Variants in SLIT1 observed in about 807,000 individuals in gnomAD.
The protein encoded by SLIT1 is slit guidance ligand 1, also known as slit homolog 1 protein.
Under a neutral mutation model 186.1 loss-of-function variants are expected in SLIT1, and 66 were observed. The ratio of observed to expected loss-of-function variants is 0.35; its 90% CI spans 0.29 to 0.44. The LOEUF is 0.44. Among genes scored for constraint, SLIT1 ranks in the 20% least tolerant of loss-of-function variants. SLIT1 has a pLI of 1.00. For synonymous variants in SLIT1, 761 were observed against 833.8 expected, an observed-to-expected ratio of 0.91 and a Z score of 1.50; for missense variants, 1,638 against 2,037.4, an observed-to-expected ratio of 0.80 and a Z score of 3.77.
At chr10:97,064,026 C>T in intron 7 of SLIT1, 142 bp downstream of exon 7, 5 of 699,706 alleles carry the variant, frequency 7.1e-6, no homozygotes, top group Non-Finnish European at 1.3e-5. Flanking sequence ...AGCATGAAGC[C>T]CCCAGCCTGG....
At chr10:97,120,674 G>C (rs2134687199) in intron 4 of SLIT1, among the ~76,000 whole-genome samples, 1 of 152,308 alleles carries the variant, frequency 6.6e-6, no homozygotes. Flanking sequence ...CTCCTCCTAG[G>C]ATGTTGATGA....
At chr10:97,044,696 A>T (rs1177173601) in intron 18 of SLIT1, among the ~76,000 whole-genome samples, 1 of 152,166 alleles carries the variant, frequency 6.6e-6, no homozygotes, top group African/African-American at 2.4e-5. Flanking sequence ...AGATGCCTTT[A>T]TACCTCCCTG....
At chr10:97,057,930 A>G (rs7914872) in intron 11 of SLIT1, 163,038 of 714,042 alleles carry the variant, frequency 0.23, 19,768 homozygotes, top group African/African-American at 0.31. Context: ...CAATATCATA[A>G]TCGGACCCCA....
In SLIT1 at chr10:97,006,757, A is replaced by T. The variant is rs757256900; in HGVS notation, c.3342-37T>A. The T allele has an allele frequency of 7.0e-7, 1 of 1,431,118 alleles. No individual in the cohort carries two copies. The highest frequency in any genetic ancestry group is 1.7e-4 in the Middle Eastern group (1 of 5,720). The allele number at this position is 1,431,118 out of a possible 1,614,324, so 88.7% of individuals were successfully genotyped here. On this transcript the variant is annotated intron_variant, in intron 31 of 36. Transcript: ENST00000266058. The surrounding 1 kb of genome is among the most constrained non-coding windows in gnomAD (Gnocchi z 4.0). ...GGACATAAGTCAGAGAGGGCCAAGG[A>T]GGAAGGGAGTATCTTCCTCTCCCAC...
At chr10:97,099,975 C>A (rs1261849642) in intron 4 of SLIT1, among the ~76,000 whole-genome samples, 1 of 152,208 alleles carries the variant, frequency 6.6e-6, no homozygotes, top group Non-Finnish European at 1.5e-5. Flanking sequence ...AATCTTCTGA[C>A]AATATATACT....
intron 28 of SLIT1, among the ~76,000 whole-genome samples, chr10:97,014,499 T>A (rs533633860): frequency 2.6e-5 from 4 of 151,410 alleles, no homozygotes; most frequent in African/African-American, 9.7e-5. Flanking sequence ...CTGGAGGAGG[T>A]GATGAATTAA....
At chr10:97,073,246 T>C (rs899555025) in intron 4 of SLIT1, among the ~76,000 whole-genome samples, 1 of 152,172 alleles carries the variant, frequency 6.6e-6, no homozygotes, top group Admixed American at 6.5e-5. Flanking sequence ...ACCTAAGCCT[T>C]TCCCCATCAG....
At chr10:97,161,774 G>A (rs759973601) in intron 3 of SLIT1, among the ~76,000 whole-genome samples, 7 of 152,120 alleles carry the variant, frequency 4.6e-5, no homozygotes, top group South Asian at 4.1e-4. Flanking sequence ...GTGAAACTCC[G>A]TCTCAAAAAA....
chr10:97,135,062 G>A (rs1173288781), intron 4 of SLIT1, among the ~76,000 whole-genome samples: 1 of 152,212 alleles, frequency 6.6e-6, no homozygotes, highest in East Asian at 1.9e-4. Flanking sequence ...TATTTGTTGA[G>A]TGTGTTACAA....
chr10:97,149,513 A>G (rs1849853102), intron 4 of SLIT1, among the ~76,000 whole-genome samples: 1 of 152,136 alleles, frequency 6.6e-6, no homozygotes, highest in Admixed American at 6.5e-5. Context: ...AGCCCCTCCT[A>G]AGACTCACCA....
At chr10:97,152,695 A>G (rs76646996) in intron 4 of SLIT1, among the ~76,000 whole-genome samples, 9,191 of 152,258 alleles carry the variant, frequency 0.06, 624 homozygotes, top group African/African-American at 0.17. Flanking sequence ...CCGTAAACGT[A>G]ACACATGCTT....
At chr10:97,185,384 C>A in intron 1 of SLIT1, 94 bp downstream of exon 1, 1 of 1,280,368 alleles carries the variant, frequency 7.8e-7, no homozygotes, top group East Asian at 2.7e-5. Context: ...CGGACGGGCC[C>A]CAATGGTCCT....
chr10:97,127,407 A>G (rs930885780), intron 4 of SLIT1, among the ~76,000 whole-genome samples: 6 of 152,236 alleles, frequency 3.9e-5, no homozygotes, highest in African/African-American at 1.4e-4. Context: ...TTCCAGCCCT[A>G]TGCTGTCCGT....
Position 97,013,999 on chromosome 10 carries a change from T to A in SLIT1, c.3109+20A>T, listed in dbSNP as rs1468294143. On this transcript the variant is annotated intron_variant, in intron 29 of 36. Coordinates refer to ENST00000266058, the MANE Select transcript of SLIT1 (RefSeq NM_003061.3). ...TCTGTTCCCCACCTCCCCCAGACAC[T>A]GCTGCCCTGACGCACTTACCCTCAT... The A allele has an allele frequency of 6.2e-6, 10 of 1,611,666 alleles. No individual in the cohort carries two copies. Among genetic ancestry groups the A allele is most frequent in the Non-Finnish European group, 8.5e-6 (10 of 1,179,774 alleles).
At position 97,184,663 on chromosome 10, in the gene SLIT1, GAGAC is replaced by G. The variant is rs1308645876; in HGVS notation, c.197+811_197+814del. On this transcript the variant is annotated intron_variant, in intron 1 of 36. Transcript: ENST00000266058. This position sits in a 1 kb window ranked among gnomAD's most constrained non-coding sequence, Gnocchi z 4.4. The stretch of plus-strand genomic sequence containing the variant: ...CAAGTTTCCTCAAGAATTCACAAGT[GAGAC>G]AGAACAGGGGAAGAGAAATGCTATT... Among the ~76,000 whole-genome samples, 1 of 152,198 alleles carries G rather than the reference GAGAC, an allele frequency of 6.6e-6. No homozygotes were observed. The highest frequency in any genetic ancestry group is 1.5e-5 in the Non-Finnish European group (1 of 68,036).
chr10:97,083,459 G>C (rs575983219), intron 4 of SLIT1, among the ~76,000 whole-genome samples: 17 of 152,200 alleles, frequency 1.1e-4, no homozygotes, highest in Non-Finnish European at 2.2e-4. Flanking sequence ...AACTTGGAGG[G>C]AGGAGGTGAA....
chr10:97,122,421 G>T (rs1020712134), intron 4 of SLIT1, among the ~76,000 whole-genome samples: 9 of 152,208 alleles, frequency 5.9e-5, no homozygotes, highest in African/African-American at 1.7e-4. Context: ...GTTACGAAAA[G>T]GTGAAGCCAC....
intron 4 of SLIT1, among the ~76,000 whole-genome samples, chr10:97,134,541 C>T (rs1281889114): frequency 6.6e-6 from 1 of 152,156 alleles, no homozygotes; most frequent in East Asian, 1.9e-4. Flanking sequence ...CACCTGCCCA[C>T]CCTAAGCCCG....
intron 4 of SLIT1, among the ~76,000 whole-genome samples, chr10:97,149,880 A>G (rs986287282): frequency 1.3e-5 from 2 of 152,208 alleles, no homozygotes; most frequent in African/African-American, 2.4e-5. Flanking sequence ...GGGAGACGCA[A>G]CATTCCACAT....
Sources: allele counts gnomAD v4.1 joint callset (sites outside exome capture counted in the v4.1 genomes callset), GRCh38; gene constraint gnomAD v4.1.1; non-coding constraint Gnocchi (gnomAD v3.1); transcripts MANE v1.5; gene names NCBI Gene and HGNC (gene_info 2026-07-23, HGNC 2026-07-21).